The following ASAP1 variants were observed in gnomAD, a reference collection of about 807,000 sequenced individuals.
The protein encoded by ASAP1 is ArfGAP with SH3 domain, ankyrin repeat and PH domain 1.
Under a neutral mutation model 145.2 loss-of-function variants are expected in ASAP1, and 43 were observed. The observed-to-expected ratio is 0.30, with a 90% CI of 0.23 to 0.38. ASAP1 has a LOEUF of 0.38. Ranked by LOEUF, ASAP1 falls within the 10% of genes least tolerant of loss-of-function variation. The probability of loss-of-function intolerance (pLI) is 1.00; values close to 1 mark genes in which losing one functional copy is unlikely to be tolerated. For missense variants in ASAP1, 1,018 were observed against 1,355.3 expected (o/e 0.75, Z 3.91); for synonymous variants, 546 against 515.5 (o/e 1.06, Z -0.80).
chr8:130,196,589 C>G (rs550718576), intron 5 of ASAP1, among the ~76,000 whole-genome samples: 3 of 152,342 alleles, frequency 2.0e-5, no homozygotes, highest in South Asian at 4.1e-4. Context: ...ATGGTACTTC[C>G]AGGACACCTA....
chr8:130,252,971 C>T (rs911472536), intron 3 of ASAP1, among the ~76,000 whole-genome samples: 5 of 152,096 alleles, frequency 3.3e-5, no homozygotes, highest in African/African-American at 1.2e-4. Flanking sequence ...TGGAAACCAC[C>T]AAGCCTTTTA....
chr8:130,334,009 T>C (rs539934540), intron 3 of ASAP1, among the ~76,000 whole-genome samples: 34 of 152,202 alleles, frequency 2.2e-4, no homozygotes, highest in African/African-American at 8.2e-4. Flanking sequence ...AAGCAGTAGT[T>C]AGGAAGGGTC....
intron 23 of ASAP1, among the ~76,000 whole-genome samples, chr8:130,113,597 CA>C (rs2097550054): frequency 6.6e-6 from 1 of 152,108 alleles, no homozygotes; most frequent in Non-Finnish European, 1.5e-5. Flanking sequence ...CATAGGCAAT[CA>C]ATTAATGCAT....
chr8:130,129,384 A>T (rs141280260), intron 15 of ASAP1, among the ~76,000 whole-genome samples: 4 of 152,238 alleles, frequency 2.6e-5, no homozygotes, highest in African/African-American at 9.6e-5. Context: ...GATTTTCTAT[A>T]GAAAACAACT....
At chr8:130,442,944 C>G (rs1356738040) in intron 1 of ASAP1, among the ~76,000 whole-genome samples, 2 of 152,284 alleles carry the variant, frequency 1.3e-5, no homozygotes, top group East Asian at 1.9e-4. Flanking sequence ...CCCCCCACCC[C>G]CTTCCCTTTC....
intron 3 of ASAP1, among the ~76,000 whole-genome samples, chr8:130,270,013 T>C (rs186736366): frequency 2.6e-5 from 4 of 152,190 alleles, no homozygotes; most frequent in Admixed American, 6.5e-5. Flanking sequence ...CTACTAAAAA[T>C]AGAAAAATTA....
chr8:130,152,579 A>G (rs932182123), intron 13 of ASAP1, 157 bp downstream of exon 13: 59 of 512,056 alleles, frequency 1.2e-4, no homozygotes, highest in Non-Finnish European at 1.9e-4. Flanking sequence ...CTACCACAGG[A>G]CAAGATAAAA....
intron 2 of ASAP1, among the ~76,000 whole-genome samples, chr8:130,400,704 T>C (rs577055176): frequency 1.4e-5 from 2 of 145,884 alleles, no homozygotes. Context: ...GGCAGGAGAA[T>C]GGCGTGAAGC....
At chr8:130,115,543 A>G in intron 23 of ASAP1, 85 bp downstream of exon 23, 2 of 1,039,426 alleles carry the variant, frequency 1.9e-6, no homozygotes, top group Non-Finnish European at 2.9e-6. Context: ...ACAATCAATC[A>G]ATCTCACCAA....
intron 5 of ASAP1, chr8:130,208,588 AT>A (rs1816379379): frequency 1.3e-5 from 2 of 152,104 alleles, no homozygotes; most frequent in South Asian, 2.1e-4. Flanking sequence ...TTACAGGGGT[AT>A]AAAGAACGTG....
At chr8:130,098,326 T>A (rs1343125560) in intron 24 of ASAP1, among the ~76,000 whole-genome samples, 1 of 152,172 alleles carries the variant, frequency 6.6e-6, no homozygotes, top group Non-Finnish European at 1.5e-5. Flanking sequence ...AGTTATCACT[T>A]CACTTCCACA....
At chr8:130,267,123 CAAAAAAAAAACA>C (rs1820303070) in intron 3 of ASAP1, among the ~76,000 whole-genome samples, 1 of 104,190 alleles carries the variant, frequency 9.6e-6, no homozygotes, top group Admixed American at 1.1e-4. Context: ...AACAAACAAA[CAAAAAAAAAACA>C]AAACAAAAAA....
chr8:130,237,072 T>C, intron 3 of ASAP1, 78 bp from the exon 4 acceptor site: 1 of 1,131,818 alleles, frequency 8.8e-7, no homozygotes, highest in Non-Finnish European at 1.2e-6. Context: ...TCATTTGTAA[T>C]TGCATTTGTT....
intron 5 of ASAP1, among the ~76,000 whole-genome samples, chr8:130,211,239 T>C (rs1816563132): frequency 6.6e-6 from 1 of 152,230 alleles, no homozygotes; most frequent in Admixed American, 6.5e-5. Flanking sequence ...GTGCATCAAC[T>C]GCGGTATGGG....
intron 10 of ASAP1, among the ~76,000 whole-genome samples, chr8:130,168,544 C>G (rs1303725212): frequency 1.3e-5 from 2 of 152,032 alleles, no homozygotes; most frequent in Admixed American, 6.6e-5. Context: ...GAGCCAAGAT[C>G]GTGCCACTGT....
At chr8:130,353,738 T>C (rs1586891040) in intron 3 of ASAP1, among the ~76,000 whole-genome samples, 1 of 152,108 alleles carries the variant, frequency 6.6e-6, no homozygotes, top group Non-Finnish European at 1.5e-5. Context: ...GGCATGGCGG[T>C]GTGCACCTGT....
At chr8:130,354,598 A>G (rs1826192297) in intron 3 of ASAP1, among the ~76,000 whole-genome samples, 1 of 152,228 alleles carries the variant, frequency 6.6e-6, no homozygotes, top group Admixed American at 6.5e-5. Context: ...CGTTTAGGGA[A>G]AACGCTTATG....
intron 26 of ASAP1, among the ~76,000 whole-genome samples, chr8:130,077,266 G>A (rs1432722167): frequency 1.3e-5 from 2 of 152,156 alleles, no homozygotes; most frequent in African/African-American, 4.8e-5. Flanking sequence ...CCAAGTCCCT[G>A]GAATACAGGT....
At chr8:130,409,270 A>C (rs199872957) in intron 1 of ASAP1, among the ~76,000 whole-genome samples, 1 of 138,998 alleles carries the variant, frequency 7.2e-6, no homozygotes, top group Non-Finnish European at 1.6e-5. Flanking sequence ...TCAAAAAAAA[A>C]AACAAAAAAC....
Sources: gnomAD v4.1 joint callset for allele counts (sites outside exome capture counted in the v4.1 genomes callset) on GRCh38, gnomAD v4.1.1 for gene constraint, MANE v1.5 for transcripts, NCBI Gene and HGNC (gene_info 2026-07-23, HGNC 2026-07-21) for gene names.